SPAG17: variants seen among roughly 807,000 people sequenced by gnomAD.
The protein encoded by SPAG17 is sperm-associated antigen 17.
In SPAG17, 169 loss-of-function variants were observed where a neutral mutation model predicts 273.6. The ratio of observed to expected loss-of-function variants is 0.62; its 90% CI spans 0.55 to 0.70. SPAG17 has a LOEUF of 0.70. Among genes scored for constraint, SPAG17 ranks in the 30% least tolerant of loss-of-function variants. The pLI is 0.00. For synonymous variants in SPAG17, 825 were observed against 873.2 expected, an observed-to-expected ratio of 0.94 and a Z score of 0.97; for missense variants, 2,557 against 2,627.8, an observed-to-expected ratio of 0.97 and a Z score of 0.59.
At chr1:118,161,630 C>T (rs910955396) in intron 1 of SPAG17, among the ~76,000 whole-genome samples, 1 of 152,072 alleles carries the variant, frequency 6.6e-6, no homozygotes. Context: ...CTCCGCCTCC[C>T]GGGTTTACGC....
chr1:117,979,019 C>T (rs1287424391), intron 43 of SPAG17, among the ~76,000 whole-genome samples: 4 of 152,108 alleles, frequency 2.6e-5, no homozygotes, highest in Non-Finnish European at 5.9e-5. Context: ...AGGTGCATGC[C>T]ACCATGCCTG....
intron 3 of SPAG17, among the ~76,000 whole-genome samples, chr1:118,148,409 G>C (rs1161345334): frequency 1.3e-5 from 2 of 152,216 alleles, no homozygotes; most frequent in African/African-American, 2.4e-5. Context: ...GCTGCAAGGT[G>C]CTAGCTCAGG....
At chr1:118,151,441 G>T in intron 1 of SPAG17, 72 bp from the exon 2 acceptor site, 1 of 1,343,018 alleles carries the variant, frequency 7.4e-7, no homozygotes, top group Non-Finnish European at 1.0e-6. Flanking sequence ...TATTTCCACT[G>T]AGAAGCAGAA....
At chr1:117,995,190 C>A (rs1281155809) in intron 34 of SPAG17, among the ~76,000 whole-genome samples, 2 of 152,142 alleles carry the variant, frequency 1.3e-5, no homozygotes, top group Non-Finnish European at 2.9e-5. Flanking sequence ...TACCTACCCA[C>A]TAGCTCTTGG....
At chr1:117,993,530 T>A (rs1657328901) in intron 35 of SPAG17, among the ~76,000 whole-genome samples, 1 of 152,166 alleles carries the variant, frequency 6.6e-6, no homozygotes, top group Non-Finnish European at 1.5e-5. Flanking sequence ...AGGGGTAGAA[T>A]CAGGACCAGA....
chr1:118,096,052 T>G (rs1015591463), intron 7 of SPAG17, among the ~76,000 whole-genome samples: 4 of 152,168 alleles, frequency 2.6e-5, no homozygotes, highest in Non-Finnish European at 5.9e-5. Flanking sequence ...AAGGCTGAGA[T>G]TCACCAGGAT....
chr1:118,141,231 A>AT (rs1415006976), intron 3 of SPAG17, among the ~76,000 whole-genome samples: 3 of 152,220 alleles, frequency 2.0e-5, no homozygotes, highest in African/African-American at 4.8e-5. Context: ...CCAATCATAG[A>AT]TTTTGTACAT....
chr1:118,137,846 C>T (rs1658449668), intron 3 of SPAG17, among the ~76,000 whole-genome samples: 1 of 152,100 alleles, frequency 6.6e-6, no homozygotes, highest in Admixed American at 6.5e-5. Flanking sequence ...CCAGCCTATA[C>T]CCATGTTTAC....
At chr1:118,051,500 C>T (rs184752436) in intron 20 of SPAG17, among the ~76,000 whole-genome samples, 66 of 150,724 alleles carry the variant, frequency 4.4e-4, no homozygotes, top group African/African-American at 1.3e-3. Flanking sequence ...ATATCTAGGA[C>T]GCTTACATCC....
At chr1:118,153,679 TCTA>T (rs1417865723) in intron 1 of SPAG17, among the ~76,000 whole-genome samples, 1 of 151,926 alleles carries the variant, frequency 6.6e-6, no homozygotes, top group Non-Finnish European at 1.5e-5. Flanking sequence ...AAACCCCATC[TCTA>T]CTAAAAGATA....
At chr1:117,995,281 T>G (rs1657530489) in intron 34 of SPAG17, among the ~76,000 whole-genome samples, 1 of 152,114 alleles carries the variant, frequency 6.6e-6, no homozygotes, top group Non-Finnish European at 1.5e-5. Context: ...TTCTTTCCCC[T>G]CGGAGACCTT....
chr1:118,035,133 T>C lies in SPAG17; in HGVS notation c.3433+1637A>G, dbSNP rs561938048. ...AATCCTTAGGAAATGTGTGTGTATATACATACGCATATAATTTTTACAAAG... is the reference window on the plus strand; with the variant it reads ...AATCCTTAGGAAATGTGTGTGTATACACATACGCATATAATTTTTACAAAG... On this transcript the variant is annotated intron_variant, in intron 24 of 48. Transcript: ENST00000336338. Among the ~76,000 whole-genome samples the C allele has an allele frequency of 7.2e-5, 11 of 152,314 alleles. No individual in the cohort carries two copies. In the South Asian group the frequency reaches 2.3e-3, roughly 32 times the overall value.
At chr1:117,970,645 C>T (rs1314729223) in intron 45 of SPAG17, among the ~76,000 whole-genome samples, 1 of 152,102 alleles carries the variant, frequency 6.6e-6, no homozygotes, top group Non-Finnish European at 1.5e-5. Flanking sequence ...CTCTCCCTTC[C>T]TGTGGTTTGT....
chr1:118,005,535 G>C lies in SPAG17; in HGVS notation c.4655C>G (p.Ser1552Ter). Residue 1552 changes from serine (S) to a stop codon, truncating the protein, a stop_gained, in exon 32 of 49, where the codon TCA becomes TGA. Coordinates refer to ENST00000336338, the MANE Select transcript of SPAG17 (RefSeq NM_206996.4). LOFTEE classifies it high-confidence loss of function. ...AAAAGGATAGTATATATTACTGCTT[G>C]ACTCATGGCAGTACACAGCTGAACA... ...KDCSAVYCHE[S>*]SSNIYYPFQK... is the part of the protein sequence containing the mutation. The C allele has an allele frequency of 6.2e-7, 1 of 1,610,212 alleles. No individual in the cohort carries two copies. Among genetic ancestry groups the C allele is most frequent in the Non-Finnish European group, 8.5e-7 (1 of 1,178,050 alleles).
Position 118,005,596 on chromosome 1 carries a change from G to T in SPAG17, c.4594C>A (p.Pro1532Thr). 6.7e-7 allele frequency: 1 copy of T among 1,486,388 alleles called. No individual in the cohort carries two copies. Among genetic ancestry groups the T allele is most frequent in the Non-Finnish European group, 9.0e-7 (1 of 1,115,162 alleles). 92.1% of individuals were successfully genotyped at this position (1,486,388 alleles called of 1,614,324 possible). A position where few individuals can be genotyped will look rare whatever the true frequency, so the allele number is the denominator to read the frequency against. Residue 1532 changes from proline to threonine, a missense_variant, in exon 32 of 49, where the codon CCT becomes ACT. Coordinates refer to ENST00000336338, the MANE Select transcript of SPAG17 (RefSeq NM_206996.4). Reference sequence around the variant, plus strand: ...ATATAAAGAGAGCCTGTGTTTGGAGGTAACACCTGAAAGAGTAACAGAAAG... The same window carrying T: ...ATATAAAGAGAGCCTGTGTTTGGAGTTAACACCTGAAAGAGTAACAGAAAG... Reference protein sequence around the residue: ...AKPQGTYQVLPPNTGSLYIDK... With the variant: ...AKPQGTYQVLTPNTGSLYIDK...
intron 1 of SPAG17, among the ~76,000 whole-genome samples, chr1:118,152,179 AAG>A (rs1189181467): frequency 1.3e-5 from 2 of 152,122 alleles, no homozygotes; most frequent in East Asian, 3.9e-4. Flanking sequence ...GACATCAGAA[AAG>A]AGAGGGAATA....
chr1:118,089,840 A>C (rs1331658848), intron 10 of SPAG17, among the ~76,000 whole-genome samples: 1 of 152,066 alleles, frequency 6.6e-6, no homozygotes, highest in East Asian at 1.9e-4. Flanking sequence ...CCACGTGTCG[A>C]GGGAGGGAGG....
intron 28 of SPAG17, among the ~76,000 whole-genome samples, chr1:118,022,803 G>C (rs527854168): frequency 6.6e-6 from 1 of 152,302 alleles, no homozygotes; most frequent in Admixed American, 6.5e-5. Context: ...CATAAAGACA[G>C]GTCTGCTGGG....
intron 3 of SPAG17, among the ~76,000 whole-genome samples, chr1:118,143,501 C>A (rs1658793632): frequency 1.3e-5 from 2 of 151,840 alleles, no homozygotes; most frequent in South Asian, 2.1e-4. Flanking sequence ...GAGTTCAAGA[C>A]TTACCCAGGC....
Sources: gnomAD v4.1 joint callset for allele counts (sites outside exome capture counted in the v4.1 genomes callset) on GRCh38, gnomAD v4.1.1 for gene constraint, MANE v1.5 for transcripts, NCBI Gene and HGNC (gene_info 2026-07-23, HGNC 2026-07-21) for gene names.